Variants in P2RY14 observed in about 807,000 individuals in gnomAD.
P2RY14 encodes the protein P2Y purinoceptor 14.
A neutral mutation model predicts 0.9 loss-of-function variants in P2RY14; 2 were observed. That is an observed-to-expected ratio of 2.16 (90% CI 0.88 to 6.79). The LOEUF (loss-of-function observed/expected upper bound fraction) is 6.79. Ranked by LOEUF, P2RY14 falls within the 30% of genes most tolerant of loss-of-function variation. The pLI, the probability that P2RY14 is intolerant of heterozygous loss-of-function variation, is 0.05. For missense variants in P2RY14, 378 were observed against 400.1 expected (o/e 0.94, Z 0.47); for synonymous variants, 158 against 147.2 (o/e 1.07, Z -0.53).
At chr3:151,234,785 T>A (rs1224990247) in intron 1 of P2RY14, among the ~76,000 whole-genome samples, 1 of 152,202 alleles carries the variant, frequency 6.6e-6, no homozygotes, top group Admixed American at 6.5e-5. Flanking sequence ...GCATAAGTGA[T>A]GCCCATATAA....
chr3:151,223,638 G>A (rs4679770), intron 1 of P2RY14, among the ~76,000 whole-genome samples: 14 of 152,004 alleles, frequency 9.2e-5, no homozygotes, highest in South Asian at 8.3e-4. Context: ...CTAAACATTG[G>A]ATACACATGG....
intron 1 of P2RY14, among the ~76,000 whole-genome samples, chr3:151,224,425 C>T (rs1401299934): frequency 2.0e-5 from 3 of 150,498 alleles, no homozygotes; most frequent in Non-Finnish European, 4.4e-5. Flanking sequence ...GCTTTAATCT[C>T]TCATGCCTTA....
chr3:151,236,239 T>A (rs1298198272), intron 1 of P2RY14, among the ~76,000 whole-genome samples: 1 of 152,220 alleles, frequency 6.6e-6, no homozygotes, highest in African/African-American at 2.4e-5. Context: ...AAGGATTTCC[T>A]TAACTGTCAA....
chr3:151,244,872 C>G (rs1488142571), intron 1 of P2RY14, among the ~76,000 whole-genome samples: 1 of 151,688 alleles, frequency 6.6e-6, no homozygotes, highest in African/African-American at 2.4e-5. Context: ...AGACCGCTAG[C>G]AAGACTAATA....
At chr3:151,247,235 C>G (rs1038843211) in intron 1 of P2RY14, among the ~76,000 whole-genome samples, 2 of 152,010 alleles carry the variant, frequency 1.3e-5, no homozygotes, top group Non-Finnish European at 2.9e-5. Context: ...ACTGGAAATA[C>G]CATTTGACCC....
At chr3:151,273,187 A>T (rs1393077653) in intron 1 of P2RY14, among the ~76,000 whole-genome samples, 5 of 151,604 alleles carry the variant, frequency 3.3e-5, no homozygotes, top group Admixed American at 3.3e-4. Flanking sequence ...TTGGGAAAGA[A>T]GATGATGCTG....
At chr3:151,263,699 G>C (rs1476043512) in intron 1 of P2RY14, among the ~76,000 whole-genome samples, 2 of 152,188 alleles carry the variant, frequency 1.3e-5, no homozygotes, top group Non-Finnish European at 2.9e-5. Context: ...ATCTCTAAGA[G>C]ATTAATGTAA....
Position 151,246,480 on chromosome 3 carries a change from C to A in P2RY14, c.-132-26838G>T, listed in dbSNP as rs554863138. On this transcript the variant is annotated intron_variant, in intron 1 of 2. Coordinates refer to ENST00000309170, the MANE Select transcript of P2RY14 (RefSeq NM_014879.4). ...GAAATAACGCCGCATATCTACAACT[C>A]TCTGATCTTTGACAAACCTGAGAAA... Among the ~76,000 whole-genome samples the A allele has an allele frequency of 4.7e-3, 717 of 151,934 alleles. 10 individuals are homozygous for A. Among genetic ancestry groups the A allele is most frequent in the African/African-American group, 0.016 (650 of 41,356 alleles).
intron 1 of P2RY14, among the ~76,000 whole-genome samples, chr3:151,255,823 G>A (rs1311880395): frequency 6.6e-6 from 1 of 152,156 alleles, no homozygotes; most frequent in Non-Finnish European, 1.5e-5. Flanking sequence ...CAGCAGCACT[G>A]CCTTGTATAA....
At chr3:151,229,667 T>C (rs1731247407) in intron 1 of P2RY14, among the ~76,000 whole-genome samples, 1 of 151,474 alleles carries the variant, frequency 6.6e-6, no homozygotes, top group Non-Finnish European at 1.5e-5. Context: ...TTAGTAGAGA[T>C]GGGGTTTCAT....
At chr3:151,239,675 A>AT (rs1733681540) in intron 1 of P2RY14, among the ~76,000 whole-genome samples, 1 of 152,182 alleles carries the variant, frequency 6.6e-6, no homozygotes. Flanking sequence ...GTCCTCAGTA[A>AT]TTTTTTAAGA....
intron 1 of P2RY14, among the ~76,000 whole-genome samples, chr3:151,275,902 C>T (rs1037389431): frequency 1.3e-5 from 2 of 151,908 alleles, no homozygotes; most frequent in Non-Finnish European, 2.9e-5. Context: ...TTTAGTATTG[C>T]GGGGTGATGG....
intron 1 of P2RY14, among the ~76,000 whole-genome samples, chr3:151,271,782 C>A (rs1740996561): frequency 6.6e-6 from 1 of 152,086 alleles, no homozygotes; most frequent in Admixed American, 6.6e-5. Flanking sequence ...CGACTATGTA[C>A]CTTGTGATTC....
At chr3:151,214,416 G>A (rs1332959031) in intron 2 of P2RY14, 76 bp from the exon 3 acceptor site, 5 of 1,011,556 alleles carry the variant, frequency 4.9e-6, no homozygotes, top group Non-Finnish European at 7.3e-6. Flanking sequence ...TAAGGCAAAG[G>A]GCAATGAATA....
chr3:151,239,849 C>CA (rs1234553200), intron 1 of P2RY14, among the ~76,000 whole-genome samples: 1 of 151,988 alleles, frequency 6.6e-6, no homozygotes, highest in Non-Finnish European at 1.5e-5. Flanking sequence ...CTATAAATAT[C>CA]AAAAAAGGAC....
At chr3:151,256,158 C>T (rs1044577234) in intron 1 of P2RY14, among the ~76,000 whole-genome samples, 2 of 152,148 alleles carry the variant, frequency 1.3e-5, no homozygotes, top group South Asian at 2.1e-4. Context: ...GACCCAGCCA[C>T]TGTGGTTATA....
intron 1 of P2RY14, among the ~76,000 whole-genome samples, chr3:151,276,780 G>A (rs1741934031): frequency 6.6e-6 from 1 of 152,200 alleles, no homozygotes; most frequent in South Asian, 2.1e-4. Context: ...CAACTGTGAA[G>A]TGGGCACCGT....
rs763811837 is a variant in P2RY14 at position 151,213,420 on chromosome 3, G to C, written c.897C>G (p.Cys299Trp). 2.5e-6 allele frequency: 4 copies of C among 1,613,964 alleles called. No individual in the cohort carries two copies. In the African/African-American group the frequency reaches 5.3e-5, roughly 22 times the overall value. Reference protein sequence around the residue: ...CLDPIIYFFLCQPFREILCKK... With the variant: ...CLDPIIYFFLWQPFREILCKK... ...TACATAAGATTTCCCTAAACGGCTG[G>C]CATAGAAAGAAATAAATAATAGGGT... is the stretch of plus-strand genomic sequence containing the variant. Residue 299 changes from cysteine to tryptophan, a missense_variant, in exon 3 of 3, where the codon TGC becomes TGG. Physicochemically the swap from Cys to Trp is radical, Grantham distance 215. Transcript: ENST00000309170.
rs558809421 is a variant in P2RY14, at chr3:151,244,975, A to G, written c.-132-25333T>C. 7.9e-5 allele frequency among the ~76,000 whole-genome samples: 12 copies of G among 151,368 alleles called. No homozygotes were observed. The East Asian group carries it at 2.4e-3, about 30-fold the overall frequency. ...CCACAGAAATACAAACTACCATCAGATAATACTACAAACACCTCTACGCAA... is the reference window on the plus strand; with the variant it reads ...CCACAGAAATACAAACTACCATCAGGTAATACTACAAACACCTCTACGCAA... On this transcript the variant is annotated intron_variant, in intron 1 of 2. Transcript: ENST00000309170.
Sources: gnomAD v4.1 joint callset for allele counts (sites outside exome capture counted in the v4.1 genomes callset) on GRCh38, gnomAD v4.1.1 for gene constraint, MANE v1.5 for transcripts, NCBI Gene and HGNC (gene_info 2026-07-23, HGNC 2026-07-21) for gene names.